The following SEMA3A variants were observed in gnomAD, a reference collection of about 807,000 sequenced individuals.
The protein encoded by SEMA3A is semaphorin-3A.
SEMA3A carries 29 observed loss-of-function variants against 97.9 expected under a neutral mutation model. The ratio of observed to expected loss-of-function variants is 0.30; its 90% CI spans 0.22 to 0.40. The LOEUF (loss-of-function observed/expected upper bound fraction) is 0.40. SEMA3A is among the 10% of genes least tolerant of loss of function. The probability of loss-of-function intolerance (pLI) is 1.00; values close to 1 mark genes in which losing one functional copy is unlikely to be tolerated. For missense variants in SEMA3A, 763 were observed against 951.3 expected (o/e 0.80, Z 2.60); for synonymous variants, 321 against 323.7 (o/e 0.99, Z 0.09).
intron 1 of SEMA3A, among the ~76,000 whole-genome samples, chr7:84,174,554 G>A (rs528770633): frequency 2.6e-5 from 4 of 152,226 alleles, no homozygotes; most frequent in African/African-American, 9.6e-5. Flanking sequence ...TCAGAAGCTA[G>A]AACTATTTAC....
intron 4 of SEMA3A, among the ~76,000 whole-genome samples, chr7:84,088,831 T>C (rs1458829861): frequency 6.6e-6 from 1 of 152,156 alleles, no homozygotes; most frequent in African/African-American, 2.4e-5. Context: ...TTTAAGTTAC[T>C]TGCAGCCATG....
intron 2 of SEMA3A, among the ~76,000 whole-genome samples, chr7:84,341,947 A>G (rs895948767): frequency 2.6e-5 from 4 of 151,850 alleles, no homozygotes; most frequent in African/African-American, 9.7e-5. Flanking sequence ...TCACCTCCAA[A>G]CCAATTACTT....
chr7:84,162,367 G>A (rs1347795028), intron 1 of SEMA3A, among the ~76,000 whole-genome samples: 1 of 152,090 alleles, frequency 6.6e-6, no homozygotes. Flanking sequence ...GGGGAGAGAA[G>A]AGAAAAGCAG....
At chr7:84,067,429 A>C (rs1273606413) in intron 4 of SEMA3A, among the ~76,000 whole-genome samples, 1 of 152,082 alleles carries the variant, frequency 6.6e-6, no homozygotes, top group Non-Finnish European at 1.5e-5. Context: ...AATGGGATCT[A>C]ATTAAACTAA....
At chr7:83,975,649 A>G (rs1237892297) in intron 15 of SEMA3A, among the ~76,000 whole-genome samples, 5 of 152,116 alleles carry the variant, frequency 3.3e-5, no homozygotes, top group Non-Finnish European at 4.4e-5. Flanking sequence ...AAGCAAAATA[A>G]TGTTTCATTT....
intron 12 of SEMA3A, among the ~76,000 whole-genome samples, chr7:83,996,585 G>A (rs1461154249): frequency 6.6e-6 from 1 of 152,104 alleles, no homozygotes; most frequent in African/African-American, 2.4e-5. Flanking sequence ...AGAGGTGTGA[G>A]CCACCACGCC....
intron 12 of SEMA3A, 115 bp downstream of exon 12, chr7:84,001,840 A>G: frequency 3.9e-6 from 2 of 519,158 alleles, no homozygotes; most frequent in Non-Finnish European, 6.7e-6. Flanking sequence ...TTGACAAGCT[A>G]ATTAGAAGGG....
At chr7:84,265,513 A>AT (rs1799970337) in intron 3 of SEMA3A, among the ~76,000 whole-genome samples, 2 of 147,404 alleles carry the variant, frequency 1.4e-5, no homozygotes, top group African/African-American at 4.9e-5. Flanking sequence ...TATATATATA[A>AT]AATATATAAT....
intron 1 of SEMA3A, among the ~76,000 whole-genome samples, chr7:84,427,649 CAAAAAAAAAAA>C (rs55872394): frequency 2.7e-5 from 2 of 73,002 alleles, no homozygotes; most frequent in African/African-American, 1.2e-4. Flanking sequence ...GATTCTGTCT[CAAAAAAAAAAA>C]AAAAAAAAAA....
chr7:84,320,499 A>G (rs1801619282), intron 2 of SEMA3A, among the ~76,000 whole-genome samples: 1 of 152,166 alleles, frequency 6.6e-6, no homozygotes, highest in South Asian at 2.1e-4. Context: ...ATCAACTAAT[A>G]ATATTATTGA....
rs1202568484 is a variant in SEMA3A at position 84,424,654 on chromosome 7, T to C, written c.-245-52754A>G. ...ATATACAATATATATTATATTTATATATTATATAATATGTTATATAATATA... is the reference window on the plus strand; with the variant it reads ...ATATACAATATATATTATATTTATACATTATATAATATGTTATATAATATA... On this transcript the variant is annotated intron_variant, in intron 1 of 3. Transcript: ENST00000424555. 7.9e-4 allele frequency among the ~76,000 whole-genome samples: 75 copies of C among 94,746 alleles called. 1 individual carries two copies. The highest frequency in any genetic ancestry group is 2.9e-3 in the African/African-American group (67 of 23,248). 62.2% of individuals were successfully genotyped at this position (94,746 alleles called of 152,430 possible). A position where few individuals can be genotyped will look rare whatever the true frequency, so the allele number is the denominator to read the frequency against.
chr7:84,044,845 C>A (rs1236735803), intron 6 of SEMA3A, among the ~76,000 whole-genome samples: 1 of 151,904 alleles, frequency 6.6e-6, no homozygotes, highest in African/African-American at 2.4e-5. Flanking sequence ...ATAAAGATAG[C>A]AAAGGAAATG....
At chr7:84,289,829 T>C (rs1800696962) in intron 3 of SEMA3A, among the ~76,000 whole-genome samples, 2 of 152,096 alleles carry the variant, frequency 1.3e-5, no homozygotes, top group Admixed American at 1.3e-4. Context: ...TGAATATTCA[T>C]AGTACTACTC....
intron 14 of SEMA3A, 93 bp from the exon 15 acceptor site, chr7:83,977,289 T>C (rs1373171309): frequency 1.8e-6 from 1 of 550,010 alleles, no homozygotes; most frequent in South Asian, 4.2e-5. Context: ...AATATATATA[T>C]ATATATCATA....
chr7:84,120,742 C>T (rs78139620), intron 3 of SEMA3A, among the ~76,000 whole-genome samples: 1 of 152,070 alleles, frequency 6.6e-6, no homozygotes, highest in South Asian at 2.1e-4. Context: ...AAATTGTAAT[C>T]GATATTTTCA....
chr7:84,364,175 C>T (rs1802788796), intron 2 of SEMA3A, among the ~76,000 whole-genome samples: 1 of 151,520 alleles, frequency 6.6e-6, no homozygotes, highest in Admixed American at 6.6e-5. Context: ...ACAGTAAATA[C>T]TGATAAACAT....
At chr7:84,363,461 C>G (rs1802771618) in intron 2 of SEMA3A, among the ~76,000 whole-genome samples, 1 of 151,886 alleles carries the variant, frequency 6.6e-6, no homozygotes, top group African/African-American at 2.4e-5. Context: ...CACCCCAGTT[C>G]TTTAAAAACA....
chr7:84,258,877 C>G (rs1322029596), intron 3 of SEMA3A, among the ~76,000 whole-genome samples: 1 of 151,580 alleles, frequency 6.6e-6, no homozygotes, highest in African/African-American at 2.4e-5. Context: ...AACCAACACT[C>G]TAGGGATTAT....
intron 1 of SEMA3A, among the ~76,000 whole-genome samples, chr7:84,145,937 CATTTT>C (rs1562811547): frequency 1.3e-5 from 2 of 152,130 alleles, no homozygotes. Context: ...TTTGCTATCT[CATTTT>C]ATGCCTGTTT....
Sources: gnomAD v4.1 joint callset for allele counts (sites outside exome capture counted in the v4.1 genomes callset) on GRCh38, gnomAD v4.1.1 for gene constraint, MANE v1.5 for transcripts, NCBI Gene and HGNC (gene_info 2026-07-23, HGNC 2026-07-21) for gene names.